The following TSPAN9 variants were observed in gnomAD, a reference collection of about 807,000 sequenced individuals.
TSPAN9 encodes tetraspanin-9.
A neutral mutation model predicts 31.0 loss-of-function variants in TSPAN9; 16 were observed. The ratio of observed to expected loss-of-function variants is 0.52; its 90% CI spans 0.35 to 0.78. The LOEUF is 0.78. TSPAN9 is among the 30% of genes least tolerant of loss of function. The pLI is 0.01. For missense variants in TSPAN9, 272 were observed against 312.5 expected, an observed-to-expected ratio of 0.87 and a Z score of 0.98; for synonymous variants, 145 against 121.6, an observed-to-expected ratio of 1.19 and a Z score of -1.27.
chr12:3,229,936 A>G (rs2098389812), intron 3 of TSPAN9, among the ~76,000 whole-genome samples: 1 of 152,144 alleles, frequency 6.6e-6, no homozygotes, highest in African/African-American at 2.4e-5. Context: ...CCTGGGCTGG[A>G]TACATTTGCC....
chr12:3,118,449 C>T (rs1031063572), intron 2 of TSPAN9, among the ~76,000 whole-genome samples: 27 of 151,472 alleles, frequency 1.8e-4, no homozygotes, highest in Non-Finnish European at 2.8e-4. Flanking sequence ...TTTGTAGAGA[C>T]GGGGTTTTAC....
intron 3 of TSPAN9, among the ~76,000 whole-genome samples, chr12:3,264,590 C>T (rs1412221788): frequency 6.6e-6 from 1 of 152,186 alleles, no homozygotes; most frequent in East Asian, 1.9e-4. Flanking sequence ...GGAGCAGCCT[C>T]TGTGTGCCGG....
rs886587803 is a variant in TSPAN9 at position 3,105,558 on chromosome 12, A to G, written c.-18+21839A>G. Among the ~76,000 whole-genome samples, 20 of 152,006 alleles carry G rather than the reference A, an allele frequency of 1.3e-4. No homozygotes were observed. The South Asian group carries it at 2.9e-3, about 22-fold the overall frequency. On this transcript the variant is annotated intron_variant, in intron 2 of 8. Transcript: ENST00000011898. ...TTGCCTTGAGAGGGGCAGGGAGGGA[A>G]GAGGCGAGCTGAGCGGGAAACAGGG...
In TSPAN9 at chr12:3,192,100, T is replaced by C. The variant is rs1192475941; in HGVS notation, c.-17-9077T>C. On this transcript the variant is annotated intron_variant, in intron 2 of 8. Coordinates refer to ENST00000011898, the MANE Select transcript of TSPAN9 (RefSeq NM_006675.5). The surrounding 1 kb of genome is among the most constrained non-coding windows in gnomAD (Gnocchi z 4.6). ...AGTTCACGGCTGTGGCAATAATGGG[T>C]GAGCAGAGAATGTTGGACGGGGGCT... Among the ~76,000 whole-genome samples, 1 of 150,880 alleles carries C rather than the reference T, an allele frequency of 6.6e-6. No individual in the cohort carries two copies. Among genetic ancestry groups the C allele is most frequent in the Non-Finnish European group, 1.5e-5 (1 of 67,678 alleles).
At chr12:3,164,096 G>A (rs746162094) in intron 2 of TSPAN9, among the ~76,000 whole-genome samples, 20 of 152,204 alleles carry the variant, frequency 1.3e-4, no homozygotes, top group Non-Finnish European at 2.6e-4. Flanking sequence ...AGGCTGGACC[G>A]TTCATTAGGT....
intron 3 of TSPAN9, among the ~76,000 whole-genome samples, chr12:3,260,510 T>A (rs1023290839): frequency 6.6e-6 from 1 of 152,228 alleles, no homozygotes; most frequent in Non-Finnish European, 1.5e-5. Context: ...CATAGTCCCG[T>A]GCTGCTGGGA....
intron 3 of TSPAN9, among the ~76,000 whole-genome samples, chr12:3,261,511 A>C (rs1394261248): frequency 6.6e-6 from 1 of 152,146 alleles, no homozygotes; most frequent in Non-Finnish European, 1.5e-5. Flanking sequence ...CCCGGCTGGA[A>C]GAATAGATGG....
rs756536556 is a variant in TSPAN9, at chr12:3,280,332, CGAG to C, written c.331-49_331-47del. On this transcript the variant is annotated intron_variant, in intron 5 of 8. Coordinates refer to ENST00000011898, the MANE Select transcript of TSPAN9 (RefSeq NM_006675.5). This position sits in a 1 kb window ranked among gnomAD's most constrained non-coding sequence, Gnocchi z 4.5. Reference sequence around the variant, plus strand: ...GGTGACCTGAGGTGGGCTGGAGAGACGAGCTGCGTCCTGGTTCCAACCGTCTCA... The same window carrying C: ...GGTGACCTGAGGTGGGCTGGAGAGACCTGCGTCCTGGTTCCAACCGTCTCA... The C allele has an allele frequency of 6.4e-7, 1 of 1,559,714 alleles. No individual in the cohort carries two copies. Among genetic ancestry groups the C allele is most frequent in the East Asian group, 2.2e-5 (1 of 44,598 alleles).
intron 3 of TSPAN9, among the ~76,000 whole-genome samples, chr12:3,235,176 C>G (rs1426523865): frequency 1.4e-5 from 1 of 73,000 alleles, no homozygotes; most frequent in Non-Finnish European, 2.4e-5. Context: ...GAGCGAGACT[C>G]CGTCTCAAAA....
chr12:3,101,303 T>G (rs1419349641), intron 2 of TSPAN9, among the ~76,000 whole-genome samples: 1 of 152,156 alleles, frequency 6.6e-6, no homozygotes, highest in Admixed American at 6.5e-5. Context: ...TTCTGAAAAT[T>G]GAACCATCCA....
intron 3 of TSPAN9, among the ~76,000 whole-genome samples, chr12:3,277,378 G>A (rs937685248): frequency 2.0e-5 from 3 of 152,164 alleles, no homozygotes; most frequent in Non-Finnish European, 4.4e-5. Flanking sequence ...TCCTCTGAGC[G>A]CCCGTAGCGT....
At chr12:3,236,023 CCTGTGA>C (rs2098393581) in intron 3 of TSPAN9, among the ~76,000 whole-genome samples, 2 of 152,238 alleles carry the variant, frequency 1.3e-5, no homozygotes, top group Admixed American at 1.3e-4. Context: ...CAGCTCTGTC[CCTGTGA>C]CTTGAGGCTG....
intron 1 of TSPAN9, among the ~76,000 whole-genome samples, chr12:3,082,622 A>G (rs1389820194): frequency 6.6e-6 from 1 of 152,040 alleles, no homozygotes; most frequent in Non-Finnish European, 1.5e-5. Context: ...TGGTAGGGAG[A>G]GTGGCTGGGC....
intron 2 of TSPAN9, among the ~76,000 whole-genome samples, chr12:3,190,510 T>C (rs1485268160): frequency 6.6e-6 from 1 of 152,246 alleles, no homozygotes; most frequent in African/African-American, 2.4e-5. Context: ...CAGTGGCTCT[T>C]ACTCCAGGCC....
intron 3 of TSPAN9, among the ~76,000 whole-genome samples, chr12:3,270,115 G>C (rs1862645811): frequency 6.6e-6 from 1 of 152,124 alleles, no homozygotes; most frequent in African/African-American, 2.4e-5. Context: ...CCTACACCGG[G>C]CCCCCTAGGA....
At chr12:3,269,884 G>T (rs1039052295) in intron 3 of TSPAN9, among the ~76,000 whole-genome samples, 1 of 152,246 alleles carries the variant, frequency 6.6e-6, no homozygotes, top group African/African-American at 2.4e-5. Flanking sequence ...GGGCTTGATT[G>T]GGAAGAAGAT....
chr12:3,170,352 T>C lies in TSPAN9; in HGVS notation c.-17-30825T>C, dbSNP rs2098351074. Among the ~76,000 whole-genome samples the C allele has an allele frequency of 6.6e-6, 1 of 152,214 alleles. No individual in the cohort carries two copies. Among genetic ancestry groups the C allele is most frequent in the Non-Finnish European group, 1.5e-5 (1 of 68,038 alleles). On this transcript the variant is annotated intron_variant, in intron 2 of 8. Transcript: ENST00000011898. This position sits in a 1 kb window ranked among gnomAD's most constrained non-coding sequence, Gnocchi z 4.4. ...TATACCTATAGCCCAAACTCCTGCGTTGGACACACCAATCTACGGCTAGCT... is the reference window on the plus strand; with the variant it reads ...TATACCTATAGCCCAAACTCCTGCGCTGGACACACCAATCTACGGCTAGCT...
At position 3,187,526 on chromosome 12, in the gene TSPAN9, G is replaced by T. The variant is rs1181335876; in HGVS notation, c.-17-13651G>T. Reference sequence around the variant, plus strand: ...ACTGTTTTGGAAGTCAGGAGACATAGGTTCCAGTCCCAGCTCTCCTTACTT... The same window carrying T: ...ACTGTTTTGGAAGTCAGGAGACATATGTTCCAGTCCCAGCTCTCCTTACTT... On this transcript the variant is annotated intron_variant, in intron 2 of 8. Coordinates refer to ENST00000011898, the MANE Select transcript of TSPAN9 (RefSeq NM_006675.5). This position sits in a 1 kb window ranked among gnomAD's most constrained non-coding sequence, Gnocchi z 5.2. Among the ~76,000 whole-genome samples, 2 of 152,148 alleles carry T rather than the reference G, an allele frequency of 1.3e-5. No homozygotes were observed. Among genetic ancestry groups the T allele is most frequent in the Non-Finnish European group, 2.9e-5 (2 of 68,030 alleles).
chr12:3,186,660 G>C (rs2098361579), intron 2 of TSPAN9, among the ~76,000 whole-genome samples: 1 of 151,982 alleles, frequency 6.6e-6, no homozygotes, highest in Non-Finnish European at 1.5e-5. Context: ...CAGATCAGTG[G>C]CATGGTCTCA....
Sources: gnomAD v4.1 joint callset for allele counts (sites outside exome capture counted in the v4.1 genomes callset) on GRCh38, gnomAD v4.1.1 for gene constraint, Gnocchi (gnomAD v3.1) non-coding constraint, MANE v1.5 for transcripts, NCBI Gene and HGNC (gene_info 2026-07-23, HGNC 2026-07-21) for gene names.